The following AOPEP variants were observed in gnomAD, a reference collection of about 807,000 sequenced individuals.
The protein encoded by AOPEP is aminopeptidase O.
A neutral mutation model predicts 98.1 loss-of-function variants in AOPEP; 77 were observed. That is an observed-to-expected ratio of 0.78 (90% CI 0.65 to 0.95). AOPEP has a LOEUF of 0.95. AOPEP is among the 40% of genes least tolerant of loss of function. The probability of loss-of-function intolerance (pLI) is 0.00; values close to 1 mark genes in which losing one functional copy is unlikely to be tolerated. For synonymous variants in AOPEP, 346 were observed against 365.3 expected (o/e 0.95, Z 0.60); for missense variants, 1,024 against 1,024.7 (o/e 1.00, Z 0.01).
At chr9:95,031,010 T>C (rs989430177) in intron 13 of AOPEP, among the ~76,000 whole-genome samples, 2 of 152,210 alleles carry the variant, frequency 1.3e-5, no homozygotes, top group African/African-American at 2.4e-5. Flanking sequence ...GCCTCCTCTC[T>C]AGTATTTCCA....
At chr9:95,012,874 T>G (rs1460521659) in intron 13 of AOPEP, among the ~76,000 whole-genome samples, 1 of 151,988 alleles carries the variant, frequency 6.6e-6, no homozygotes, top group South Asian at 2.1e-4. Context: ...TACCTGGCTA[T>G]TGCATTAAAA....
chr9:94,858,232 G>A (rs2044479177), intron 5 of AOPEP, among the ~76,000 whole-genome samples: 1 of 152,206 alleles, frequency 6.6e-6, no homozygotes. Context: ...GTGTTTATCT[G>A]TGTCTGAAAT....
intron 14 of AOPEP, among the ~76,000 whole-genome samples, chr9:95,071,786 A>G (rs769853796): frequency 6.6e-6 from 1 of 152,198 alleles, no homozygotes; most frequent in African/African-American, 2.4e-5. Context: ...TTTCTGTAAG[A>G]CACTGGTTTT....
the AOPEP span, chr9:95,109,858 C>G: frequency 1.3e-5 from 2 of 152,254 alleles, no homozygotes; most frequent in East Asian, 3.8e-4. Flanking sequence ...TCAAGCCTCC[C>G]AACAGACCAT....
intron 13 of AOPEP, among the ~76,000 whole-genome samples, chr9:95,025,826 G>T (rs980248609): frequency 6.6e-6 from 1 of 152,216 alleles, no homozygotes; most frequent in South Asian, 2.1e-4. Context: ...TAAAAGTCGT[G>T]TGTTCCTAGG....
rs534736903 is a variant in AOPEP, at chr9:94,787,346, C to T, written c.965-5419C>T. On this transcript the variant is annotated intron_variant, in intron 3 of 16. Transcript: ENST00000375315. ...GGTGCTGGGTTGTGATGGGATTGGGCGCTCTACGTGGATTTCTATTGACCT... is the reference window on the plus strand; with the variant it reads ...GGTGCTGGGTTGTGATGGGATTGGGTGCTCTACGTGGATTTCTATTGACCT... 4.1e-4 allele frequency among the ~76,000 whole-genome samples: 62 copies of T among 152,252 alleles called. 2 individuals are homozygous for T. In the South Asian group the frequency reaches 9.5e-3, roughly 23 times the overall value.
chr9:95,150,178 CA>C, the AOPEP span: 1 of 1,353,074 alleles, frequency 7.4e-7, no homozygotes, highest in Non-Finnish European at 1.0e-6. Context: ...AGGTCAAAGA[CA>C]GATCACCTGT....
At chr9:95,114,793 A>T in the AOPEP span, 6 of 1,147,740 alleles carry the variant, frequency 5.2e-6, no homozygotes, top group Non-Finnish European at 7.9e-6. Context: ...TGACCTGAAG[A>T]GTCTTTGGGA....
chr9:95,005,199 T>A lies in AOPEP; in HGVS notation c.2019T>A (p.Leu673=). ...RERRAGAECG[L]ARQVRAEVTK... The stretch of plus-strand genomic sequence containing the variant: ...GTCGCGCCGGGGCGGAGTGCGGGCT[T>A]GCGCGGCAAGTGCGCGCCGAGGTGA... Residue 673 remains leucine, a synonymous_variant, in exon 12 of 17, where the codon CTT becomes CTA. Coordinates refer to ENST00000375315, the MANE Select transcript of AOPEP (RefSeq NM_001193329.3). The A allele has an allele frequency of 8.8e-7, 1 of 1,137,238 alleles. No individual in the cohort carries two copies. Among genetic ancestry groups the A allele is most frequent in the South Asian group, 3.5e-5 (1 of 28,496 alleles). The allele number at this position is 1,137,238 out of a possible 1,614,324, so 70.4% of individuals were successfully genotyped here.
chr9:94,742,249 A>G (rs189118408), intron 1 of AOPEP, among the ~76,000 whole-genome samples: 1 of 152,290 alleles, frequency 6.6e-6, no homozygotes, highest in Admixed American at 6.5e-5. Context: ...AGAGGAGTCA[A>G]TGTGAAGCAA....
chr9:94,733,973 TC>T (rs1831157438), intron 1 of AOPEP, among the ~76,000 whole-genome samples: 1 of 152,226 alleles, frequency 6.6e-6, no homozygotes, highest in South Asian at 2.1e-4. Flanking sequence ...GTCTGGATCT[TC>T]CTCTGAATGG....
intron 3 of AOPEP, among the ~76,000 whole-genome samples, chr9:94,783,438 G>T (rs1843718571): frequency 6.6e-6 from 1 of 152,192 alleles, no homozygotes; most frequent in Admixed American, 6.5e-5. Flanking sequence ...GTTTGTTCTG[G>T]TGCCAGTTAC....
At chr9:94,804,855 C>T (rs1323833026) in intron 5 of AOPEP, among the ~76,000 whole-genome samples, 4 of 152,074 alleles carry the variant, frequency 2.6e-5, no homozygotes, top group Non-Finnish European at 4.4e-5. Context: ...TCAATAGCAT[C>T]GTTAGGGTGA....
intron 11 of AOPEP, among the ~76,000 whole-genome samples, chr9:95,004,827 C>A (rs982102306): frequency 2.7e-4 from 40 of 146,958 alleles, no homozygotes; most frequent in African/African-American, 9.3e-4. Flanking sequence ...GGGAGCACGC[C>A]GTTCGTGGGG....
chr9:94,923,552 T>G (rs555420538), intron 5 of AOPEP, among the ~76,000 whole-genome samples: 3 of 152,356 alleles, frequency 2.0e-5, no homozygotes, highest in Admixed American at 2.0e-4. Flanking sequence ...TCCTTCTGCA[T>G]GACTTCTCAA....
In AOPEP at chr9:95,034,037, C is replaced by G. The variant is rs865995900; in HGVS notation, c.2116-26657C>G. On this transcript the variant is annotated intron_variant, in intron 13 of 16. Transcript: ENST00000375315. ...AGTTCTGTGAGGTCATTGATGATGA[C>G]AGAATTGCTGTCTAAATGACGTACT... Among the ~76,000 whole-genome samples, 9 of 152,294 alleles carry G rather than the reference C, an allele frequency of 5.9e-5. 2 individuals are homozygous for G. The Middle Eastern group carries it at 0.031, about 518-fold the overall frequency.
At chr9:94,847,172 TC>T (rs1486294218) in intron 5 of AOPEP, among the ~76,000 whole-genome samples, 15 of 148,192 alleles carry the variant, frequency 1.0e-4, no homozygotes, top group African/African-American at 3.7e-4. Context: ...TCTCTCTCTC[TC>T]TCTCTCTGTC....
At chr9:95,107,851 G>T in the AOPEP span, among the ~76,000 whole-genome samples, 1 of 152,142 alleles carries the variant, frequency 6.6e-6, no homozygotes, top group African/African-American at 2.4e-5. Context: ...CGTGTTTAAT[G>T]CTCAAGCAGA....
chr9:95,060,997 G>C, intron 14 of AOPEP, 187 bp downstream of exon 14: 1 of 512,102 alleles, frequency 2.0e-6, no homozygotes, highest in South Asian at 2.8e-5. Context: ...AGAGTATTTT[G>C]AGGTCTTAAG....
Sources: gnomAD v4.1 joint callset for allele counts (sites outside exome capture counted in the v4.1 genomes callset) on GRCh38, gnomAD v4.1.1 for gene constraint, MANE v1.5 for transcripts, NCBI Gene and HGNC (gene_info 2026-07-23, HGNC 2026-07-21) for gene names.